Variants in ZNF385D observed in about 807,000 individuals in gnomAD.
The protein encoded by ZNF385D is zinc finger protein 385D, also known as zinc finger protein 659.
ZNF385D carries 15 observed loss-of-function variants against 35.8 expected under a neutral mutation model. The ratio of observed to expected loss-of-function variants is 0.42; its 90% CI spans 0.28 to 0.64. ZNF385D has a LOEUF of 0.64. Among genes scored for constraint, ZNF385D ranks in the 30% least tolerant of loss-of-function variants. The pLI is 0.23. For missense variants in ZNF385D, 474 were observed against 494.6 expected, an observed-to-expected ratio of 0.96 and a Z score of 0.39; for synonymous variants, 212 against 186.8, an observed-to-expected ratio of 1.13 and a Z score of -1.10.
intron 3 of ZNF385D, among the ~76,000 whole-genome samples, chr3:21,982,818 C>CTTTT (rs35606509): frequency 2.7e-5 from 4 of 150,324 alleles, no homozygotes; most frequent in Admixed American, 6.6e-5. Context: ...TATTGAAAGC[C>CTTTT]TTTTTTTTTG....
intron 2 of ZNF385D, among the ~76,000 whole-genome samples, chr3:22,203,771 A>T (rs999586087): frequency 1.3e-5 from 2 of 152,122 alleles, no homozygotes; most frequent in Admixed American, 1.3e-4. Context: ...GAGAAAAGAA[A>T]AGTGGGAATG....
At chr3:21,814,861 C>T (rs756563291) in intron 3 of ZNF385D, among the ~76,000 whole-genome samples, 1 of 152,158 alleles carries the variant, frequency 6.6e-6, no homozygotes, top group African/African-American at 2.4e-5. Context: ...GCTCTCCACC[C>T]CAAATCAACA....
intron 3 of ZNF385D, among the ~76,000 whole-genome samples, chr3:22,000,304 C>CA (rs35298204): frequency 7.5e-5 from 11 of 147,586 alleles, no homozygotes; most frequent in East Asian, 6.2e-4. Context: ...GACTCCATCT[C>CA]AAAAAAAAAA....
intron 3 of ZNF385D, among the ~76,000 whole-genome samples, chr3:22,143,059 T>TGTG (rs1704617040): frequency 1.4e-5 from 2 of 140,916 alleles, no homozygotes; most frequent in Non-Finnish European, 3.0e-5. Context: ...ATTAAATCGG[T>TGTG]TGTGTGTGTG....
chr3:21,586,261 G>A (rs958690612), intron 2 of ZNF385D, among the ~76,000 whole-genome samples: 1 of 152,158 alleles, frequency 6.6e-6, no homozygotes, highest in African/African-American at 2.4e-5. Context: ...GGGTAGGCCT[G>A]TATTGGCCTT....
chr3:21,995,445 T>C (rs1695403508), intron 3 of ZNF385D, among the ~76,000 whole-genome samples: 2 of 151,992 alleles, frequency 1.3e-5, no homozygotes, highest in African/African-American at 4.8e-5. Flanking sequence ...GATGACATGC[T>C]TGGGCACTGG....
intron 3 of ZNF385D, among the ~76,000 whole-genome samples, chr3:22,070,763 G>A (rs1700190827): frequency 6.6e-6 from 1 of 152,080 alleles, no homozygotes; most frequent in African/African-American, 2.4e-5. Context: ...GTGAAAGTAA[G>A]TCATGAAATC....
chr3:22,028,361 G>C (rs1034188139), intron 3 of ZNF385D, among the ~76,000 whole-genome samples: 5 of 152,206 alleles, frequency 3.3e-5, no homozygotes, highest in Admixed American at 6.5e-5. Context: ...TGGCCATGGT[G>C]GCAGGGATGG....
intron 3 of ZNF385D, among the ~76,000 whole-genome samples, chr3:22,129,108 T>C (rs552194680): frequency 6.6e-6 from 1 of 152,172 alleles, no homozygotes; most frequent in East Asian, 1.9e-4. Flanking sequence ...CTTGGTGGTC[T>C]TGGGTAAGAT....
chr3:22,156,060 C>T (rs867368162), intron 3 of ZNF385D, among the ~76,000 whole-genome samples: 1 of 152,052 alleles, frequency 6.6e-6, no homozygotes, highest in Non-Finnish European at 1.5e-5. Context: ...GATCCTAACA[C>T]ATATGTGACT....
chr3:21,512,648 A>G (rs1177136093), intron 3 of ZNF385D, among the ~76,000 whole-genome samples: 3 of 152,212 alleles, frequency 2.0e-5, no homozygotes, highest in African/African-American at 7.2e-5. Flanking sequence ...TTCCAACAAC[A>G]CATAACATCA....
At chr3:21,496,762 A>T (rs1489287898) in intron 4 of ZNF385D, among the ~76,000 whole-genome samples, 2 of 151,894 alleles carry the variant, frequency 1.3e-5, no homozygotes, top group African/African-American at 4.8e-5. Flanking sequence ...CAAATCAATA[A>T]ATGTGACTCA....
Position 22,293,112 on chromosome 3 carries a change from C to T in ZNF385D, c.106+79338G>A, listed in dbSNP as rs1245880347. 8.5e-5 allele frequency among the ~76,000 whole-genome samples: 13 copies of T among 152,190 alleles called. No individual in the cohort carries two copies. The South Asian group carries it at 2.7e-3, about 32-fold the overall frequency. Reference sequence around the variant, plus strand: ...GTCTTATATATAACTCAAATGCTATCTTTTCACTTATACATCATAAATCCC... The same window carrying T: ...GTCTTATATATAACTCAAATGCTATTTTTTCACTTATACATCATAAATCCC... On this transcript the variant is annotated intron_variant, in intron 2 of 5. Coordinates refer to the ZNF385D transcript ENST00000494108.
rs1700542605 is a variant in ZNF385D, at chr3:22,260,058, A to G, written c.107-91023T>C. ...ATAGTATACTAATAATTGAAAACAC[A>G]ATCAATTAGATTATTTACAGTGTGC... is the stretch of plus-strand genomic sequence containing the variant. On this transcript the variant is annotated intron_variant, in intron 2 of 5. Coordinates refer to the ZNF385D transcript ENST00000494108. Among the ~76,000 whole-genome samples the G allele has an allele frequency of 2.6e-5, 4 of 152,184 alleles. No individual in the cohort carries two copies. In the South Asian group the frequency reaches 8.3e-4, roughly 32 times the overall value.
chr3:21,528,400 T>C (rs964712227), intron 3 of ZNF385D, among the ~76,000 whole-genome samples: 2 of 152,292 alleles, frequency 1.3e-5, no homozygotes, highest in Non-Finnish European at 1.5e-5. Context: ...GACTGAGTGA[T>C]AGAAATAAGT....
intron 4 of ZNF385D, among the ~76,000 whole-genome samples, chr3:21,507,504 CTTTT>C (rs1172758117): frequency 1.3e-5 from 2 of 152,114 alleles, no homozygotes; most frequent in African/African-American, 2.4e-5. Context: ...CAGAAATTTT[CTTTT>C]TATTATTAAA....
chr3:22,245,882 A>G (rs1213407643), intron 2 of ZNF385D, among the ~76,000 whole-genome samples: 1 of 152,128 alleles, frequency 6.6e-6, no homozygotes, highest in Non-Finnish European at 1.5e-5. Context: ...TAATCAAGTA[A>G]TAATCACTCT....
At chr3:21,653,906 T>C (rs1430668960) in intron 2 of ZNF385D, among the ~76,000 whole-genome samples, 1 of 152,076 alleles carries the variant, frequency 6.6e-6, no homozygotes, top group Non-Finnish European at 1.5e-5. Flanking sequence ...AGGCAAAAAC[T>C]GTTGCTTTGC....
chr3:21,644,157 A>T (rs1296261581), intron 2 of ZNF385D, among the ~76,000 whole-genome samples: 2 of 152,202 alleles, frequency 1.3e-5, no homozygotes, highest in Non-Finnish European at 2.9e-5. Flanking sequence ...TAAACAAGTT[A>T]TGTTTCTATG....
Sources: gnomAD v4.1 joint callset for allele counts (sites outside exome capture counted in the v4.1 genomes callset) on GRCh38, gnomAD v4.1.1 for gene constraint, MANE v1.5 for transcripts, NCBI Gene and HGNC (gene_info 2026-07-23, HGNC 2026-07-21) for gene names.